Variants in ATN1 observed in about 807,000 individuals in gnomAD.
The protein encoded by ATN1 is atrophin 1.
A neutral mutation model predicts 85.8 loss-of-function variants in ATN1; 19 were observed. The ratio of observed to expected loss-of-function variants is 0.22; its 90% CI spans 0.15 to 0.32. The LOEUF (loss-of-function observed/expected upper bound fraction) is 0.32, where lower values mean the gene tolerates loss of function less well. Among genes scored for constraint, ATN1 ranks in the 10% least tolerant of loss-of-function variants. The pLI, the probability that ATN1 is intolerant of heterozygous loss-of-function variation, is 1.00. For missense variants in ATN1, 1,453 were observed against 1,564.5 expected (o/e 0.93, Z 1.20); for synonymous variants, 674 against 657.0 (o/e 1.03, Z -0.39).
At chr12:6,929,297 T>A (rs782437493) in intron 1 of ATN1, among the ~76,000 whole-genome samples, 1 of 152,156 alleles carries the variant, frequency 6.6e-6, no homozygotes, top group African/African-American at 2.4e-5. Context: ...CCGCTGCCCC[T>A]GGAGCTGTGA....
rs782639317 is a variant in ATN1 at position 6,938,621 on chromosome 12, C to T, written c.2658C>T (p.Leu886=). 1 of 1,614,104 alleles carries T rather than the reference C, an allele frequency of 6.2e-7. No individual in the cohort carries two copies. The highest frequency in any genetic ancestry group is 8.5e-7 in the Non-Finnish European group (1 of 1,180,044). Residue 886 remains leucine, a synonymous_variant, in exon 7 of 10, where the codon CTC becomes CTT. Coordinates refer to ENST00000396684, the MANE Select transcript of ATN1 (RefSeq NM_001940.4). ...LGPDTPALRT[L]SEYARPHVMS... Reference sequence around the variant, plus strand: ...CTGACACTCCAGCCTTGCGCACTCTCAGTGAATATGCCCGGCCTCATGTCA... The same window carrying T: ...CTGACACTCCAGCCTTGCGCACTCTTAGTGAATATGCCCGGCCTCATGTCA...
In ATN1 at chr12:6,935,991, T is replaced by C. The variant is rs1017103579; in HGVS notation, c.724T>C (p.Ser242Pro). ...GGGTCCCAAGGGGGGAGGGGCTGCC[T>C]CATCAGTGGGGGGCCCTAATGGGGG... The part of the protein sequence containing the change: ...PMGPKGGGAA[S>P]SVGGPNGGKQ... The change falls in exon 5 of 10, where the codon TCA (serine) becomes CCA (proline). Residue 242 changes from serine to proline, a missense_variant. Around this residue, in one of 6 missense-constraint regions of ATN1, gnomAD observed 990 missense variants for 914.8 expected, o/e 1.08. Coordinates refer to ENST00000396684, the MANE Select transcript of ATN1 (RefSeq NM_001940.4). This position sits in a 1 kb window ranked among gnomAD's most constrained non-coding sequence, Gnocchi z 5.3. 1 of 1,588,252 alleles carries C rather than the reference T, an allele frequency of 6.3e-7. No homozygotes were observed. The highest frequency in any genetic ancestry group is 1.3e-5 in the African/African-American group (1 of 74,180).
intron 1 of ATN1, among the ~76,000 whole-genome samples, chr12:6,932,408 CAT>C (rs1945477776): frequency 6.6e-6 from 1 of 152,160 alleles, no homozygotes; most frequent in South Asian, 2.1e-4. Context: ...AGCGCACACA[CAT>C]CAGTGGAAAG....
In ATN1 at chr12:6,937,828, G is replaced by T. The variant is rs1945571386; in HGVS notation, c.2295-17G>T. ...AGCTCGCACCGCCTGAGCGCCCGCT[G>T]CTTCCACGCCCGGCAGGTTCAACAA... On this transcript the variant is annotated splice_polypyrimidine_tract_variant and intron_variant, in intron 5 of 9. Coordinates refer to ENST00000396684, the MANE Select transcript of ATN1 (RefSeq NM_001940.4). The surrounding 1 kb of genome is among the most constrained non-coding windows in gnomAD (Gnocchi z 6.0). The T allele has an allele frequency of 1.3e-6, 2 of 1,540,470 alleles. No homozygotes were observed. The highest frequency in any genetic ancestry group is 2.1e-5 in the Admixed American group (1 of 48,248).
Position 6,936,950 on chromosome 12 carries a change from A to T in ATN1, c.1683A>T (p.Ala561=), listed in dbSNP as rs1555143838. ...PPHSQVSYSQ[A]GPNGPPVSSS... is the part of the protein sequence containing the mutation. The stretch of plus-strand genomic sequence containing the variant: ...ACAGCCAGGTGTCCTACAGCCAAGC[A>T]GGCCCCAATGGCCCTCCAGTCTCTT... Residue 561 remains alanine (A), a synonymous_variant, in exon 5 of 10, where the codon GCA becomes GCT. Transcript: ENST00000396684. 6.2e-7 allele frequency: 1 copy of T among 1,613,926 alleles called. No homozygotes were observed. The highest frequency in any genetic ancestry group is 1.7e-5 in the Admixed American group (1 of 60,004).
chr12:6,938,617 C>T lies in ATN1; in HGVS notation c.2654C>T (p.Thr885Ile). ...YLGPDTPALR[T>I]LSEYARPHVM... ...GGTCCTGACACTCCAGCCTTGCGCA[C>T]TCTCAGTGAATATGCCCGGCCTCAT... is the stretch of plus-strand genomic sequence containing the variant. The change falls in exon 7 of 10, where the codon ACT becomes ATT. Residue 885 changes from threonine (T) to isoleucine (I), a missense_variant. By Grantham distance (89) the Thr-to-Ile change is moderately conservative. Coordinates refer to ENST00000396684, the MANE Select transcript of ATN1 (RefSeq NM_001940.4). 6.2e-7 allele frequency: 1 copy of T among 1,614,238 alleles called. No homozygotes were observed. The highest frequency in any genetic ancestry group is 1.1e-5 in the South Asian group (1 of 91,090).
In ATN1 at chr12:6,936,105, G is replaced by A; in HGVS notation, c.838G>A (p.Val280Met). The A allele has an allele frequency of 1.3e-6, 2 of 1,527,898 alleles. No homozygotes were observed. The highest frequency in any genetic ancestry group is 1.8e-6 in the Non-Finnish European group (2 of 1,138,792). The allele number at this position is 1,527,898 out of a possible 1,614,324, so 94.6% of individuals were successfully genotyped here. A position where few individuals can be genotyped will look rare whatever the true frequency, so the allele number is the denominator to read the frequency against. ...CCCAACAAAGCCGCCTACCACTCCA[G>A]TGGGTGGTGGGAACCTACCTTCTGC... ...APPTKPPTTP[V>M]GGGNLPSAPP... Residue 280 changes from valine to methionine, a missense_variant, in exon 5 of 10, where the codon GTG becomes ATG. Transcript: ENST00000396684.
At chr12:6,931,409 GAAAA>G (rs781985905) in intron 1 of ATN1, among the ~76,000 whole-genome samples, 1 of 53,546 alleles carries the variant, frequency 1.9e-5, no homozygotes, top group African/African-American at 7.5e-5. Context: ...AGCTGTAGTT[GAAAA>G]AAAAAAAAAA....
upstream of ATN1, among the ~76,000 whole-genome samples, chr12:6,927,229 C>A (rs1565562221): frequency 6.6e-6 from 1 of 150,494 alleles, no homozygotes; most frequent in Admixed American, 6.6e-5. Flanking sequence ...TATATGTCAT[C>A]TTTTCAATTT....
rs782431914 is a variant in ATN1 at position 6,937,614 on chromosome 12, C to T, written c.2294+53C>T. The T allele has an allele frequency of 9.2e-5, 133 of 1,449,812 alleles. No individual in the cohort carries two copies. The highest frequency in any genetic ancestry group is 1.8e-4 in the Middle Eastern group (1 of 5,560). The allele number at this position is 1,449,812 out of a possible 1,614,324, so 89.8% of individuals were successfully genotyped here. A position where few individuals can be genotyped will look rare whatever the true frequency, so the allele number is the denominator to read the frequency against. On this transcript the variant is annotated intron_variant, in intron 5 of 9. Transcript: ENST00000396684. The surrounding 1 kb of genome is among the most constrained non-coding windows in gnomAD (Gnocchi z 6.0). The stretch of plus-strand genomic sequence containing the variant: ...GCCTGGAAAGGGGACGACGACAAGG[C>T]GGCGACGAGAGAGGGAGTAGCAGGG...
intron 1 of ATN1, among the ~76,000 whole-genome samples, chr12:6,929,895 C>A (rs781786946): frequency 3.9e-5 from 6 of 152,168 alleles, no homozygotes; most frequent in Non-Finnish European, 8.8e-5. Context: ...AACTTGAATT[C>A]CTCTTTGAGC....
intron 7 of ATN1, among the ~76,000 whole-genome samples, chr12:6,939,711 A>G (rs1011242770): frequency 2.0e-5 from 3 of 152,032 alleles, no homozygotes; most frequent in East Asian, 1.9e-4. Flanking sequence ...CATGTTGGCC[A>G]TGGCTGGTCT....
At position 6,937,393 on chromosome 12, in the gene ATN1, C is replaced by T. The variant is rs1945562520; in HGVS notation, c.2126C>T (p.Pro709Leu). ...GGGCCCTCAGGCCTGCCATCGCTGC[C>T]ACCACCACCTGCGGCCCCTGCCTCA... Reference protein sequence around the residue: ...PAGPSGLPSLPPPPAAPASGP... With the variant: ...PAGPSGLPSLLPPPAAPASGP... Residue 709 changes from proline to leucine, a missense_variant, in exon 5 of 10, where the codon CCA becomes CTA. This residue lies in a region of ATN1 where 990 missense variants were observed against 914.8 expected (regional missense o/e 1.08). Transcript: ENST00000396684. The surrounding 1 kb of genome is among the most constrained non-coding windows in gnomAD (Gnocchi z 6.0). The T allele has an allele frequency of 6.5e-7, 1 of 1,548,920 alleles. No individual in the cohort carries two copies. Among genetic ancestry groups the T allele is most frequent in the African/African-American group, 1.4e-5 (1 of 73,076 alleles).
chr12:6,929,763 GA>G (rs1437352454), intron 1 of ATN1, among the ~76,000 whole-genome samples: 2 of 152,232 alleles, frequency 1.3e-5, no homozygotes, highest in Admixed American at 6.5e-5. Context: ...ATGGGAGGAT[GA>G]AAACGCTTCT....
At position 6,941,579 on chromosome 12, in the gene ATN1, G is replaced by C; in HGVS notation, c.3539+25G>C. 6.2e-7 allele frequency: 1 copy of C among 1,612,160 alleles called. No individual in the cohort carries two copies. Among genetic ancestry groups the C allele is most frequent in the Non-Finnish European group, 8.5e-7 (1 of 1,179,306 alleles). Reference sequence around the variant, plus strand: ...GGTACCCTAGGGTGCCCCAGCCCAGGGGACATGGGCTCAGCGAGCCTGGGA... The same window carrying C: ...GGTACCCTAGGGTGCCCCAGCCCAGCGGACATGGGCTCAGCGAGCCTGGGA... On this transcript the variant is annotated intron_variant, in intron 9 of 9. Coordinates refer to ENST00000396684, the MANE Select transcript of ATN1 (RefSeq NM_001940.4). This position sits in a 1 kb window ranked among gnomAD's most constrained non-coding sequence, Gnocchi z 5.9.
At chr12:6,931,438 G>C (rs1555143032) in intron 1 of ATN1, among the ~76,000 whole-genome samples, 1 of 149,362 alleles carries the variant, frequency 6.7e-6, no homozygotes, top group African/African-American at 2.5e-5. Context: ...AAAAGGCCGG[G>C]CATGGTGGCT....
chr12:6,936,931 A>C lies in ATN1; in HGVS notation c.1664A>C (p.Gln555Pro). 6.2e-7 allele frequency: 1 copy of C among 1,613,902 alleles called. No individual in the cohort carries two copies. The highest frequency in any genetic ancestry group is 1.7e-4 in the Middle Eastern group (1 of 6,060). The change falls in exon 5 of 10, where the codon CAG (glutamine) becomes CCG (proline). Residue 555 changes from glutamine to proline, a missense_variant. Gln to Pro is a moderately conservative substitution (Grantham distance 76). Transcript: ENST00000396684. ...GPAHLPPPHSQVSYSQAGPNG... is the reference protein window; with the variant it reads ...GPAHLPPPHSPVSYSQAGPNG... ...GCACACCTGCCCCCACCTCACAGCC[A>C]GGTGTCCTACAGCCAAGCAGGCCCC...
intron 7 of ATN1, among the ~76,000 whole-genome samples, chr12:6,939,860 C>T (rs1945610673): frequency 6.6e-6 from 1 of 152,232 alleles, no homozygotes; most frequent in Non-Finnish European, 1.5e-5. Flanking sequence ...ATTTTCTCCT[C>T]TTCTCCCTCT....
Position 6,939,166 on chromosome 12 carries a change from C to T in ATN1, c.3203C>T (p.Ala1068Val). ...CACCTGCACCTGCACCAGCAAGATG[C>T]TATCCATGCAGGTGAGACCCCTCCT... Reference protein sequence around the residue: ...HSHLHLHQQDAIHAASASVHP... With the variant: ...HSHLHLHQQDVIHAASASVHP... The change falls in exon 7 of 10, where the codon GCT becomes GTT. Residue 1068 changes from alanine to valine, a missense_variant. Physicochemically the swap from Ala to Val is moderately conservative, Grantham distance 64. Around this residue, in one of 6 missense-constraint regions of ATN1, gnomAD observed 118 missense variants for 163.7 expected, o/e 0.72. Coordinates refer to ENST00000396684, the MANE Select transcript of ATN1 (RefSeq NM_001940.4). 6.3e-7 allele frequency: 1 copy of T among 1,597,642 alleles called. No individual in the cohort carries two copies. The highest frequency in any genetic ancestry group is 8.5e-7 in the Non-Finnish European group (1 of 1,178,474).
Sources: allele counts gnomAD v4.1 joint callset (sites outside exome capture counted in the v4.1 genomes callset), GRCh38; gene constraint gnomAD v4.1.1; regional missense constraint gnomAD v4.1.1; non-coding constraint Gnocchi (gnomAD v3.1); transcripts MANE v1.5; gene names NCBI Gene and HGNC (gene_info 2026-07-23, HGNC 2026-07-21).